The following MICU2 variants were observed in gnomAD, a reference collection of about 807,000 sequenced individuals.
MICU2 encodes the protein calcium uptake protein 2, mitochondrial.
In MICU2, 64 loss-of-function variants were observed where a neutral mutation model predicts 60.4. The observed-to-expected ratio is 1.06, with a 90% CI of 0.87 to 1.31. MICU2 has a LOEUF of 1.31. MICU2 is among the 50% of genes most tolerant of loss of function. MICU2 has a pLI of 0.00. For synonymous variants in MICU2, 201 were observed against 175.0 expected (o/e 1.15, Z -1.17); for missense variants, 569 against 531.0 (o/e 1.07, Z -0.70).
chr13:21,518,132 T>C (rs1187059376), intron 6 of MICU2, among the ~76,000 whole-genome samples: 1 of 152,244 alleles, frequency 6.6e-6, no homozygotes, highest in Non-Finnish European at 1.5e-5. Flanking sequence ...TGGAGATATC[T>C]GTGGTATTCA....
chr13:21,604,034 C>G lies in MICU2; in HGVS notation c.115G>C (p.Val39Leu), dbSNP rs772298412. 5 of 1,607,704 alleles carry G rather than the reference C, an allele frequency of 3.1e-6. No individual in the cohort carries two copies. The highest frequency in any genetic ancestry group is 1.3e-5 in the African/African-American group (1 of 74,562). ...GCTCCTGCCAGGGCCGCGCCGGCCA[C>G]TGCCGCTGCCAAGGGGCCGGGACTC... The part of the protein sequence containing the change: ...VRSPGPLAAA[V>L]AGAALAGAGA... Residue 39 changes from valine (V) to leucine (L), a missense_variant, in exon 1 of 12, where the codon GTG (valine) becomes CTG (leucine). By Grantham distance (32) the Val-to-Leu change is conservative. Coordinates refer to ENST00000382374, the MANE Select transcript of MICU2 (RefSeq NM_152726.3).
chr13:21,571,175 TTA>T (rs1035878038), intron 1 of MICU2, among the ~76,000 whole-genome samples: 5 of 152,300 alleles, frequency 3.3e-5, no homozygotes, highest in African/African-American at 1.2e-4. Flanking sequence ...TTAATCTCTG[TTA>T]TCTCTTTTTC....
At chr13:21,597,102 A>G (rs1344207741) in intron 1 of MICU2, among the ~76,000 whole-genome samples, 3 of 152,184 alleles carry the variant, frequency 2.0e-5, no homozygotes, top group Admixed American at 2.0e-4. Flanking sequence ...AAATGTTAAT[A>G]ATATATATTA....
At chr13:21,549,024 T>G (rs1887483852) in intron 2 of MICU2, among the ~76,000 whole-genome samples, 1 of 150,558 alleles carries the variant, frequency 6.6e-6, no homozygotes, top group Non-Finnish European at 1.5e-5. Context: ...CCTCCTGGGT[T>G]ACACCATTCT....
intron 2 of MICU2, among the ~76,000 whole-genome samples, chr13:21,565,414 T>C (rs978295039): frequency 9.9e-5 from 15 of 151,964 alleles, no homozygotes; most frequent in African/African-American, 3.1e-4. Flanking sequence ...TCCCAGCACT[T>C]TGGGAGGCCG....
rs185294737 is a variant in MICU2, at chr13:21,523,900, C to G, written c.467-1250G>C. On this transcript the variant is annotated intron_variant, in intron 4 of 11. Transcript: ENST00000382374. ...CAATGGAGAGAGTGCCTGGAACTGC[C>G]AGAAGCCAGTATTTAGAGCACGAGA... Among the ~76,000 whole-genome samples, 8 of 152,202 alleles carry G rather than the reference C, an allele frequency of 5.3e-5. No homozygotes were observed. The East Asian group carries it at 1.5e-3, about 29-fold the overall frequency.
chr13:21,551,747 T>G (rs550531053), intron 2 of MICU2, among the ~76,000 whole-genome samples: 15 of 151,934 alleles, frequency 9.9e-5, no homozygotes, highest in Non-Finnish European at 1.9e-4. Flanking sequence ...TTCATCCATG[T>G]CCCTACAAAG....
chr13:21,498,443 A>G (rs1291079034), intron 9 of MICU2, among the ~76,000 whole-genome samples: 1 of 138,238 alleles, frequency 7.2e-6, no homozygotes, highest in African/African-American at 2.8e-5. Flanking sequence ...CAATGGCGCA[A>G]TCTTGGCTCA....
At chr13:21,510,272 A>G (rs1337581019) in intron 7 of MICU2, among the ~76,000 whole-genome samples, 171 bp from the exon 8 acceptor site, 1 of 152,242 alleles carries the variant, frequency 6.6e-6, no homozygotes, top group Non-Finnish European at 1.5e-5. Context: ...ATTTTGCATA[A>G]CACTCCATAA....
rs569708853 is a variant in MICU2 at position 21,553,034 on chromosome 13, T to G, written c.359-13346A>C. 1.6e-3 allele frequency among the ~76,000 whole-genome samples: 237 copies of G among 152,340 alleles called. 2 individuals carry two copies. The highest frequency in any genetic ancestry group is 3.1e-3 in the Non-Finnish European group (210 of 68,034). On this transcript the variant is annotated intron_variant, in intron 2 of 11. Coordinates refer to ENST00000382374, the MANE Select transcript of MICU2 (RefSeq NM_152726.3). ...ATTACCTGGGGCAGTATGGCCATTTTCATGATATTGATTCTTCCTACCCAT... is the reference window on the plus strand; with the variant it reads ...ATTACCTGGGGCAGTATGGCCATTTGCATGATATTGATTCTTCCTACCCAT...
At chr13:21,585,274 G>A (rs532372709) in intron 1 of MICU2, among the ~76,000 whole-genome samples, 1 of 152,296 alleles carries the variant, frequency 6.6e-6, no homozygotes, top group East Asian at 1.9e-4. Context: ...TGTTTCTACA[G>A]ATATTTTTAC....
chr13:21,600,372 T>C lies in MICU2; in HGVS notation c.210+3567A>G, dbSNP rs553906868. Among the ~76,000 whole-genome samples, 6 of 152,340 alleles carry C rather than the reference T, an allele frequency of 3.9e-5. 1 individual carries two copies. Among genetic ancestry groups the C allele is most frequent in the African/African-American group, 1.4e-4 (6 of 41,566 alleles). Reference sequence around the variant, plus strand: ...CAAACTTGCAGTCACCCTCCAGGTGTCAACCTACACATAATTCCTTCAGGA... The same window carrying C: ...CAAACTTGCAGTCACCCTCCAGGTGCCAACCTACACATAATTCCTTCAGGA... On this transcript the variant is annotated intron_variant, in intron 1 of 11. Transcript: ENST00000382374.
At chr13:21,527,182 T>C (rs1886880428) in intron 4 of MICU2, among the ~76,000 whole-genome samples, 1 of 152,230 alleles carries the variant, frequency 6.6e-6, no homozygotes. Context: ...GGAGAATAAA[T>C]TAAATGTGTT....
At chr13:21,548,201 A>G (rs2138013793) in intron 2 of MICU2, among the ~76,000 whole-genome samples, 1 of 152,350 alleles carries the variant, frequency 6.6e-6, no homozygotes, top group African/African-American at 2.4e-5. Context: ...AAGTTAGGGT[A>G]TAAAAACAGC....
intron 8 of MICU2, 40 bp downstream of exon 8, chr13:21,509,964 C>G (rs757019287): frequency 8.9e-7 from 1 of 1,129,634 alleles, no homozygotes; most frequent in South Asian, 1.5e-5. Flanking sequence ...ATTTCTTACC[C>G]ATAAAATTTC....
chr13:21,579,101 T>C (rs1036147478), intron 1 of MICU2, among the ~76,000 whole-genome samples: 1 of 152,156 alleles, frequency 6.6e-6, no homozygotes, highest in Non-Finnish European at 1.5e-5. Flanking sequence ...ATTTCTAAGA[T>C]AAAATTCTGC....
intron 2 of MICU2, among the ~76,000 whole-genome samples, chr13:21,564,447 A>G (rs1420899274): frequency 6.6e-6 from 1 of 152,106 alleles, no homozygotes; most frequent in Non-Finnish European, 1.5e-5. Flanking sequence ...CTGCCTTATT[A>G]TTGCAAAGGG....
chr13:21,603,618 G>A (rs897877480), intron 1 of MICU2: 2 of 393,758 alleles, frequency 5.1e-6, no homozygotes, highest in Admixed American at 4.4e-5. Flanking sequence ...TCTGAATTAG[G>A]AGCCTCGAAT....
chr13:21,586,152 T>C (rs1027780261), intron 1 of MICU2, among the ~76,000 whole-genome samples: 9 of 152,164 alleles, frequency 5.9e-5, no homozygotes, highest in Non-Finnish European at 1.3e-4. Flanking sequence ...TTGTAAATTA[T>C]CCCCTCTCCC....
Sources: gnomAD v4.1 joint callset for allele counts (sites outside exome capture counted in the v4.1 genomes callset) on GRCh38, gnomAD v4.1.1 for gene constraint, MANE v1.5 for transcripts, NCBI Gene and HGNC (gene_info 2026-07-23, HGNC 2026-07-21) for gene names.